The following MED12L variants were observed in gnomAD, a reference collection of about 807,000 sequenced individuals.
MED12L encodes mediator of RNA polymerase II transcription subunit 12-like protein.
In MED12L, 60 loss-of-function variants were observed where a neutral mutation model predicts 281.3. The ratio of observed to expected loss-of-function variants is 0.21; its 90% CI spans 0.17 to 0.26. The LOEUF (loss-of-function observed/expected upper bound fraction) is 0.26. Among genes scored for constraint, MED12L ranks in the 10% least tolerant of loss-of-function variants. The pLI is 1.00. For synonymous variants in MED12L, 974 were observed against 987.2 expected (o/e 0.99, Z 0.25); for missense variants, 2,146 against 2,680.9 (o/e 0.80, Z 4.41).
chr3:151,115,275 T>C (rs1712546550), intron 2 of MED12L, among the ~76,000 whole-genome samples: 1 of 149,260 alleles, frequency 6.7e-6, no homozygotes, highest in African/African-American at 2.5e-5. Context: ...GGTGTGTGCA[T>C]AGGGGTTGGC....
chr3:151,348,340 CA>C (rs11382065), intron 16 of MED12L, among the ~76,000 whole-genome samples: 887 of 87,826 alleles, frequency 0.01, 4 homozygotes, highest in African/African-American at 0.036. Flanking sequence ...ACCACCAGAC[CA>C]AAAAAAAAAA....
At chr3:151,246,346 C>A in intron 16 of MED12L, among the ~76,000 whole-genome samples, 1 of 152,034 alleles carries the variant, frequency 6.6e-6, no homozygotes, top group East Asian at 1.9e-4. Flanking sequence ...AAGCTGGAGG[C>A]ATCACGCTAC....
intron 36 of MED12L, among the ~76,000 whole-genome samples, chr3:151,386,428 C>T (rs10935843): frequency 0.29 from 44,814 of 151,950 alleles, 7,510 homozygotes; most frequent in Non-Finnish European, 0.38. Context: ...CTCGCTCTGT[C>T]GCCCAGGCTG....
At position 151,120,223 on chromosome 3, in the gene MED12L, CA is replaced by C. The variant is rs573211148; in HGVS notation, c.205-2549del. 7.8e-3 allele frequency among the ~76,000 whole-genome samples: 1,049 copies of C among 134,904 alleles called. 13 individuals carry two copies. Among genetic ancestry groups the C allele is most frequent in the Non-Finnish European group, 7.9e-3 (491 of 62,244 alleles). The allele number at this position is 134,904 out of a possible 152,430, so 88.5% of individuals were successfully genotyped here. Reference sequence around the variant, plus strand: ...CCTGGATAAGAGAGTGAGACTGTCTCAAAAAAAAAAACAAAACGAAAAACCA... The same window carrying C: ...CCTGGATAAGAGAGTGAGACTGTCTCAAAAAAAAAACAAAACGAAAAACCA... On this transcript the variant is annotated intron_variant, in intron 3 of 44. Coordinates refer to ENST00000687756, the MANE Select transcript of MED12L (RefSeq NM_001393769.1).
At chr3:151,360,002 A>G (rs1754413974) in intron 20 of MED12L, among the ~76,000 whole-genome samples, 1 of 152,176 alleles carries the variant, frequency 6.6e-6, no homozygotes, top group South Asian at 2.1e-4. Flanking sequence ...CATAAGGGGA[A>G]TGTGACTCCA....
At chr3:151,159,437 A>T (rs1719709954) in intron 7 of MED12L, among the ~76,000 whole-genome samples, 1 of 152,200 alleles carries the variant, frequency 6.6e-6, no homozygotes, top group Admixed American at 6.5e-5. Flanking sequence ...AATAGCCACT[A>T]GCCAGATGTG....
At chr3:151,369,302 G>T in intron 25 of MED12L, 134 bp from the exon 26 acceptor site, 1 of 535,596 alleles carries the variant, frequency 1.9e-6, no homozygotes, top group Non-Finnish European at 3.4e-6. Context: ...GTGAATCCAT[G>T]AAGCATCAAT....
At chr3:151,264,542 A>G (rs950075889) in intron 16 of MED12L, among the ~76,000 whole-genome samples, 9 of 152,214 alleles carry the variant, frequency 5.9e-5, no homozygotes, top group Admixed American at 5.9e-4. Flanking sequence ...CCCAGTATGG[A>G]GAGTTTTCTC....
intron 5 of MED12L, among the ~76,000 whole-genome samples, chr3:151,152,085 GTTTTTTTTTTT>G (rs141353889): frequency 2.1e-4 from 13 of 62,984 alleles, no homozygotes; most frequent in South Asian, 8.1e-4. Flanking sequence ...GTTGAAGGTG[GTTTTTTTTTTT>G]TTTTTTTTTT....
intron 16 of MED12L, among the ~76,000 whole-genome samples, chr3:151,237,871 CA>C (rs1733244730): frequency 6.6e-6 from 1 of 152,092 alleles, no homozygotes; most frequent in African/African-American, 2.4e-5. Context: ...TGTCTAGTCA[CA>C]TTTTTTGCTT....
chr3:151,352,562 G>C (rs114168381), intron 17 of MED12L, among the ~76,000 whole-genome samples: 7 of 152,136 alleles, frequency 4.6e-5, no homozygotes, highest in Non-Finnish European at 1.0e-4. Context: ...AGCAACATGA[G>C]TACTGGTAAG....
intron 18 of MED12L, among the ~76,000 whole-genome samples, chr3:151,355,556 A>C (rs971183703): frequency 6.6e-6 from 1 of 152,210 alleles, no homozygotes; most frequent in Non-Finnish European, 1.5e-5. Flanking sequence ...GATTGAAATA[A>C]AATACTACGA....
chr3:151,373,131 A>G (rs1756394302), intron 27 of MED12L, among the ~76,000 whole-genome samples: 1 of 152,130 alleles, frequency 6.6e-6, no homozygotes, highest in African/African-American at 2.4e-5. Flanking sequence ...CAGAAAATTT[A>G]GCTTTTGGTA....
intron 2 of MED12L, among the ~76,000 whole-genome samples, chr3:151,115,623 A>G (rs1712649687): frequency 6.6e-6 from 1 of 151,754 alleles, no homozygotes; most frequent in Non-Finnish European, 1.5e-5. Context: ...CTGGGATTAC[A>G]GGCATGAGCC....
intron 38 of MED12L, among the ~76,000 whole-genome samples, chr3:151,390,425 G>A (rs58448575): frequency 0.015 from 2,212 of 152,320 alleles, 54 homozygotes; most frequent in African/African-American, 0.049. Context: ...GTTATAAAAT[G>A]TGTGTATTTT....
chr3:151,255,125 G>T (rs1017453407), intron 16 of MED12L, among the ~76,000 whole-genome samples: 24 of 152,084 alleles, frequency 1.6e-4, no homozygotes, highest in African/African-American at 5.8e-4. Flanking sequence ...TCACAAATAG[G>T]CAGGCTGAAG....
chr3:151,366,037 TTTAG>T (rs776498116), intron 23 of MED12L, 46 bp downstream of exon 23: 174 of 1,418,884 alleles, frequency 1.2e-4, no homozygotes, highest in East Asian at 1.4e-4. Context: ...CAATTAAATA[TTTAG>T]TTAGTGGGTA....
intron 16 of MED12L, chr3:151,295,319 A>G: frequency 1.5e-6 from 1 of 676,350 alleles, no homozygotes; most frequent in East Asian, 2.5e-5. Context: ...GAACTTAAAG[A>G]TGTCATCAAT....
chr3:151,169,160 C>CA (rs1433064878), intron 11 of MED12L, among the ~76,000 whole-genome samples: 1 of 147,922 alleles, frequency 6.8e-6, no homozygotes, highest in Non-Finnish European at 1.5e-5. Flanking sequence ...GTCTGTCTCC[C>CA]AGGCTGGAGT....
Sources: allele counts gnomAD v4.1 joint callset (sites outside exome capture counted in the v4.1 genomes callset), GRCh38; gene constraint gnomAD v4.1.1; transcripts MANE v1.5; gene names NCBI Gene and HGNC (gene_info 2026-07-23, HGNC 2026-07-21).